ABHD16A: variants seen among roughly 807,000 people sequenced by gnomAD.
ABHD16A encodes phosphatidylserine lipase ABHD16A.
In ABHD16A, 47 loss-of-function variants were observed where a neutral mutation model predicts 89.8. The ratio of observed to expected loss-of-function variants is 0.52; its 90% CI spans 0.41 to 0.67. The LOEUF (loss-of-function observed/expected upper bound fraction) is 0.67. Among genes scored for constraint, ABHD16A ranks in the 30% least tolerant of loss-of-function variants. The pLI, the probability that ABHD16A is intolerant of heterozygous loss-of-function variation, is 0.00. For synonymous variants in ABHD16A, 251 were observed against 280.4 expected, an observed-to-expected ratio of 0.90 and a Z score of 1.05; for missense variants, 580 against 734.6, an observed-to-expected ratio of 0.79 and a Z score of 2.43.
At position 31,687,378 on chromosome 6, in the gene ABHD16A, C is replaced by A. The variant is rs922311761; in HGVS notation, c.1594-83G>T. 3.8e-6 allele frequency: 6 copies of A among 1,596,150 alleles called. No homozygotes were observed. The African/African-American group carries it at 8.1e-5, about 21-fold the overall frequency. The stretch of plus-strand genomic sequence containing the variant: ...TGGACTCCCTCCCCACCCTCCACTT[C>A]CGCATCCACCACCCACTCTACAAAA... On this transcript the variant is annotated intron_variant, in intron 19 of 19. Transcript: ENST00000395952. The surrounding 1 kb of genome is among the most constrained non-coding windows in gnomAD (Gnocchi z 6.3).
Position 31,688,705 on chromosome 6 carries a change from A to T in ABHD16A, c.1250+18T>A. 20 of 1,612,650 alleles carry T rather than the reference A, an allele frequency of 1.2e-5. No individual in the cohort carries two copies. Among genetic ancestry groups the T allele is most frequent in the Non-Finnish European group, 1.6e-5 (19 of 1,179,808 alleles). ...ATGGGGGGCAGGTGTTCAATGCCGGACGCTGGCCGGCCCTCACCTGCACAG... is the reference window on the plus strand; with the variant it reads ...ATGGGGGGCAGGTGTTCAATGCCGGTCGCTGGCCGGCCCTCACCTGCACAG... On this transcript the variant is annotated intron_variant, in intron 14 of 19. Coordinates refer to ENST00000395952, the MANE Select transcript of ABHD16A (RefSeq NM_021160.3). The surrounding 1 kb of genome is among the most constrained non-coding windows in gnomAD (Gnocchi z 4.9).
chr6:31,702,810 A>G, intron 1 of ABHD16A: 6 of 1,423,222 alleles, frequency 4.2e-6, no homozygotes, highest in Non-Finnish European at 5.5e-6. Context: ...TCTGACAGCA[A>G]AATTCAACGG....
At position 31,691,724 on chromosome 6, in the gene ABHD16A, G is replaced by T. The variant is rs370942904; in HGVS notation, c.742-44C>A. On this transcript the variant is annotated intron_variant, in intron 8 of 19. Transcript: ENST00000395952. ...ATGGCCAAGATGCAAGGGTCAGGAG[G>T]CCACATCACAGGGGTGGGGCGGGGT... 6 of 593,686 alleles carry T rather than the reference G, an allele frequency of 1.0e-5. No individual in the cohort carries two copies. The African/African-American group carries it at 1.4e-4, about 14-fold the overall frequency. The allele number at this position is 593,686 out of a possible 1,614,324, so 36.8% of individuals were successfully genotyped here.
chr6:31,701,248 C>T (rs750939053), intron 3 of ABHD16A, 26 bp downstream of exon 3: 9 of 1,603,042 alleles, frequency 5.6e-6, no homozygotes, highest in Non-Finnish European at 3.4e-6. Context: ...CATTTGCTAC[C>T]CCACCACCTT....
intron 12 of ABHD16A, 36 bp from the exon 13 acceptor site, chr6:31,689,155 GA>G: frequency 1.3e-6 from 2 of 1,582,364 alleles, no homozygotes; most frequent in Non-Finnish European, 1.7e-6. Context: ...TAAGAACTGA[GA>G]AAGGCTCCTT....
At chr6:31,691,753 T>TGGGGGGG in intron 8 of ABHD16A, 51 bp downstream of exon 8, 4 of 357,792 alleles carry the variant, frequency 1.1e-5, no homozygotes, top group Non-Finnish European at 1.6e-5. Flanking sequence ...GCGGGGTGGG[T>TGGGGGGG]GGGGGTGAGA....
intron 4 of ABHD16A, among the ~76,000 whole-genome samples, chr6:31,697,785 TCTCTC>T (rs1035406706): frequency 2.0e-5 from 3 of 152,038 alleles, no homozygotes; most frequent in Admixed American, 1.3e-4. Context: ...AACCCTAACT[TCTCTC>T]CTCACTGACT....
At position 31,688,790 on chromosome 6, in the gene ABHD16A, G is replaced by A. The variant is rs773450400; in HGVS notation, c.1187-4C>T. The A allele has an allele frequency of 6.2e-7, 1 of 1,608,934 alleles. No homozygotes were observed. Among genetic ancestry groups the A allele is most frequent in the Non-Finnish European group, 8.5e-7 (1 of 1,177,254 alleles). The stretch of plus-strand genomic sequence containing the variant: ...ACGGTCCTGGTCACCAGGCCCCCTA[G>A]AGTGGGATAAAGGTGAAGGGATGGC... On this transcript the variant is annotated splice_polypyrimidine_tract_variant and splice_region_variant and intron_variant, in intron 13 of 19. Transcript: ENST00000395952. This position sits in a 1 kb window ranked among gnomAD's most constrained non-coding sequence, Gnocchi z 4.9.
At chr6:31,699,408 CA>C (rs9281558) in intron 4 of ABHD16A, among the ~76,000 whole-genome samples, 494 of 54,288 alleles carry the variant, frequency 9.1e-3, no homozygotes, top group African/African-American at 0.026. Context: ...GACTCCGTCT[CA>C]AAAAAAAAAA....
At position 31,690,492 on chromosome 6, in the gene ABHD16A, A is replaced by G. The variant is rs536796078; in HGVS notation, c.907+47T>C. The G allele has an allele frequency of 1.0e-5, 16 of 1,598,884 alleles. No homozygotes were observed. The South Asian group carries it at 1.5e-4, about 15-fold the overall frequency. ...TCAGGTCAGTGTGGGAGGCAGGGACATTCCCTTTCAAAGGGCGGAGATAAG... is the reference window on the plus strand; with the variant it reads ...TCAGGTCAGTGTGGGAGGCAGGGACGTTCCCTTTCAAAGGGCGGAGATAAG... On this transcript the variant is annotated intron_variant, in intron 10 of 19. Transcript: ENST00000395952. This position sits in a 1 kb window ranked among gnomAD's most constrained non-coding sequence, Gnocchi z 4.1.
chr6:31,687,139 G>T lies in ABHD16A; in HGVS notation c.*73C>A. 3 of 1,389,266 alleles carry T rather than the reference G, an allele frequency of 2.2e-6. No homozygotes were observed. The highest frequency in any genetic ancestry group is 2.0e-6 in the Non-Finnish European group (2 of 998,750). 86.1% of individuals were successfully genotyped at this position (1,389,266 alleles called of 1,614,324 possible). ...CTATAAACAGCAACATGAACACAGA[G>T]AATCACAAATAAGAGGGTCTTTCCT... On this transcript the variant is annotated 3_prime_UTR_variant, in exon 20 of 20. Coordinates refer to ENST00000395952, the MANE Select transcript of ABHD16A (RefSeq NM_021160.3). The surrounding 1 kb of genome is among the most constrained non-coding windows in gnomAD (Gnocchi z 6.3).
Position 31,688,146 on chromosome 6 carries a change from G to A in ABHD16A, c.1308-43C>T. 1 of 1,606,632 alleles carries A rather than the reference G, an allele frequency of 6.2e-7. No individual in the cohort carries two copies. ...GTACCCTGGAGGGGCTGGAGGTTAG[G>A]AGGAAGGGTCTAGATACCCAGGTTT... On this transcript the variant is annotated intron_variant, in intron 15 of 19. Coordinates refer to ENST00000395952, the MANE Select transcript of ABHD16A (RefSeq NM_021160.3). This position sits in a 1 kb window ranked among gnomAD's most constrained non-coding sequence, Gnocchi z 4.9.
intron 11 of ABHD16A, among the ~76,000 whole-genome samples, 163 bp from the exon 12 acceptor site, chr6:31,689,867 A>G (rs1315558946): frequency 6.6e-6 from 1 of 152,154 alleles, no homozygotes; most frequent in Non-Finnish European, 1.5e-5. Flanking sequence ...GGATGTGTAC[A>G]ATGAGATCTA....
intron 4 of ABHD16A, 102 bp downstream of exon 4, chr6:31,700,840 C>A: frequency 1.1e-6 from 1 of 894,124 alleles, no homozygotes. Flanking sequence ...TCAATGATTC[C>A]CTCTCGGAGG....
In ABHD16A at chr6:31,687,721, C is replaced by T; in HGVS notation, c.1467G>A (p.Trp489Ter). 1 of 1,612,848 alleles carries T rather than the reference C, an allele frequency of 6.2e-7. No homozygotes were observed. The highest frequency in any genetic ancestry group is 8.5e-7 in the Non-Finnish European group (1 of 1,179,898). ...ACAGACACCAGTCCTCTTCCACCTCCCATCGGCTATAAATTGAGGCTGGTC... is the reference window on the plus strand; with the variant it reads ...ACAGACACCAGTCCTCTTCCACCTCTCATCGGCTATAAATTGAGGCTGGTC... ...QLEEASIYSR[W>*]EVEEDWCLSV... Residue 489 changes from tryptophan to a stop codon, truncating the protein, a stop_gained, in exon 18 of 20, where the codon TGG becomes TGA. Coordinates refer to ENST00000395952, the MANE Select transcript of ABHD16A (RefSeq NM_021160.3). LOFTEE classifies it high-confidence loss of function. The surrounding 1 kb of genome is among the most constrained non-coding windows in gnomAD (Gnocchi z 6.3).
chr6:31,690,629 T>G lies in ABHD16A; in HGVS notation c.844-27A>C, dbSNP rs772162668. 34 of 1,611,404 alleles carry G rather than the reference T, an allele frequency of 2.1e-5. No individual in the cohort carries two copies. Among genetic ancestry groups the G allele is most frequent in the East Asian group, 4.5e-5 (2 of 44,872 alleles). On this transcript the variant is annotated intron_variant, in intron 9 of 19. Transcript: ENST00000395952. This position sits in a 1 kb window ranked among gnomAD's most constrained non-coding sequence, Gnocchi z 4.1. ...TAGGAAGGAGGCAGGAAGGAAGGGCTGGGGGGCCAAGTTGGGACTGAAAAA... is the reference window on the plus strand; with the variant it reads ...TAGGAAGGAGGCAGGAAGGAAGGGCGGGGGGGCCAAGTTGGGACTGAAAAA...
In ABHD16A at chr6:31,688,971, G is replaced by A. The variant is rs764084316; in HGVS notation, c.1186+44C>T. ...CATCTCAGAACAGTTCCCAGTTCCA[G>A]CCCACCCCTTCCCAGGAAGGGCAGG... On this transcript the variant is annotated intron_variant, in intron 13 of 19. Transcript: ENST00000395952. This position sits in a 1 kb window ranked among gnomAD's most constrained non-coding sequence, Gnocchi z 4.9. 5 of 1,571,368 alleles carry A rather than the reference G, an allele frequency of 3.2e-6. No individual in the cohort carries two copies. Among genetic ancestry groups the A allele is most frequent in the Non-Finnish European group, 4.3e-6 (5 of 1,149,540 alleles).
Position 31,687,014 on chromosome 6 carries a change from G to A in ABHD16A, c.*198C>T. The A allele has an allele frequency of 1.7e-6, 1 of 594,564 alleles. No individual in the cohort carries two copies. The highest frequency in any genetic ancestry group is 2.1e-5 in the South Asian group (1 of 46,806). 36.8% of individuals were successfully genotyped at this position (594,564 alleles called of 1,614,324 possible). A position where few individuals can be genotyped will look rare whatever the true frequency, so the allele number is the denominator to read the frequency against. ...AGGAATAATCCATTCATGTAATGCA[G>A]GATGTATGTTGGAGAAGGTTAAGTA... On this transcript the variant is annotated 3_prime_UTR_variant, in exon 20 of 20. Coordinates refer to ENST00000395952, the MANE Select transcript of ABHD16A (RefSeq NM_021160.3). The surrounding 1 kb of genome is among the most constrained non-coding windows in gnomAD (Gnocchi z 6.3).
At chr6:31,702,039 A>T (rs761153499) in intron 2 of ABHD16A, 35 bp downstream of exon 2, 5 of 1,612,410 alleles carry the variant, frequency 3.1e-6, no homozygotes, top group Non-Finnish European at 4.2e-6. Context: ...GTGGGTCTGA[A>T]AGATGCAGAG....
Sources: gnomAD v4.1 joint callset for allele counts (sites outside exome capture counted in the v4.1 genomes callset) on GRCh38, gnomAD v4.1.1 for gene constraint, Gnocchi (gnomAD v3.1) non-coding constraint, MANE v1.5 for transcripts, NCBI Gene and HGNC (gene_info 2026-07-23, HGNC 2026-07-21) for gene names.